The following FTCDNL1 variants were observed in gnomAD, a reference collection of about 807,000 sequenced individuals.
FTCDNL1 encodes the protein formiminotransferase N-terminal subdomain-containing protein.
In FTCDNL1, 11 loss-of-function variants were observed where a neutral mutation model predicts 5.9. That is an observed-to-expected ratio of 1.87 (90% CI 1.18 to 3.10). The LOEUF is 3.10. Among genes scored for constraint, FTCDNL1 ranks in the 30% most tolerant of loss-of-function variants. The pLI, the probability that FTCDNL1 is intolerant of heterozygous loss-of-function variation, is 0.00. For synonymous variants in FTCDNL1, 58 were observed against 24.8 expected (o/e 2.34, Z -3.99); for missense variants, 115 against 65.5 (o/e 1.76, Z -2.61).
chr2:199,835,840 T>A (rs1014371639), intron 3 of FTCDNL1, among the ~76,000 whole-genome samples: 1 of 152,174 alleles, frequency 6.6e-6, no homozygotes, highest in African/African-American at 2.4e-5. Context: ...GTTGTAGATA[T>A]CTACTGAAAA....
the FTCDNL1 span, among the ~76,000 whole-genome samples, chr2:199,703,212 C>G: frequency 6.6e-6 from 1 of 151,886 alleles, no homozygotes; most frequent in Non-Finnish European, 1.5e-5. Context: ...CCCCTGCCCC[C>G]ACCCCACAAC....
intron 3 of FTCDNL1, among the ~76,000 whole-genome samples, chr2:199,831,623 C>A (rs1702376060): frequency 6.6e-6 from 1 of 152,128 alleles, no homozygotes; most frequent in South Asian, 2.1e-4. Context: ...TTGGTTTATA[C>A]ATGTATGTAA....
intron 3 of FTCDNL1, among the ~76,000 whole-genome samples, chr2:199,829,227 G>A (rs371154884): frequency 1.0e-3 from 155 of 152,024 alleles, no homozygotes; most frequent in Non-Finnish European, 1.4e-3. Context: ...TTTTCCCACC[G>A]CTATGGTCAG....
intron 3 of FTCDNL1, among the ~76,000 whole-genome samples, chr2:199,780,683 TTC>T (rs1699320591): frequency 6.6e-6 from 1 of 152,084 alleles, no homozygotes; most frequent in Non-Finnish European, 1.5e-5. Context: ...ATTTTTGGGG[TTC>T]TGAGCCCTAG....
chr2:199,769,690 TCAGA>T (rs1698715274), intron 3 of FTCDNL1, among the ~76,000 whole-genome samples: 1 of 152,168 alleles, frequency 6.6e-6, no homozygotes, highest in South Asian at 2.1e-4. Context: ...TCTCCTCCCT[TCAGA>T]CAGTCAGGTC....
intron 4 of FTCDNL1, among the ~76,000 whole-genome samples, chr2:199,815,304 C>T (rs780623989): frequency 6.6e-6 from 1 of 152,166 alleles, no homozygotes; most frequent in African/African-American, 2.4e-5. Context: ...TTCTTTTTCT[C>T]TTCTGTTTAT....
At chr2:199,730,685 A>G in the FTCDNL1 span, among the ~76,000 whole-genome samples, 1 of 152,362 alleles carries the variant, frequency 6.6e-6, no homozygotes, top group Admixed American at 6.5e-5. Flanking sequence ...TTAAAAAGTC[A>G]GGAAACAACA....
the FTCDNL1 span, among the ~76,000 whole-genome samples, chr2:199,718,327 C>T: frequency 6.6e-6 from 1 of 152,242 alleles, no homozygotes. Context: ...AGTTATTTCA[C>T]TTAGAATAGT....
chr2:199,698,263 C>G, the FTCDNL1 span, among the ~76,000 whole-genome samples: 1 of 152,158 alleles, frequency 6.6e-6, no homozygotes, highest in Non-Finnish European at 1.5e-5. Context: ...AGGACCTAAA[C>G]TTGACACTTG....
the FTCDNL1 span, among the ~76,000 whole-genome samples, chr2:199,721,615 A>G: frequency 7.9e-5 from 12 of 152,352 alleles, 1 homozygote; most frequent in Non-Finnish European, 1.3e-4. Context: ...TAATAGAATG[A>G]TTTATATTCC....
chr2:199,700,490 G>A, the FTCDNL1 span, among the ~76,000 whole-genome samples: 12 of 152,112 alleles, frequency 7.9e-5, no homozygotes, highest in Non-Finnish European at 4.4e-5. Flanking sequence ...GCAATTTACA[G>A]ATTCAATGCT....
chr2:199,815,906 A>G (rs1701323362), intron 4 of FTCDNL1, among the ~76,000 whole-genome samples: 1 of 152,050 alleles, frequency 6.6e-6, no homozygotes, highest in Admixed American at 6.5e-5. Context: ...AGGCTGAGGC[A>G]GGGGAATCGC....
the FTCDNL1 span, among the ~76,000 whole-genome samples, chr2:199,741,250 C>T: frequency 7.9e-5 from 12 of 151,976 alleles, no homozygotes; most frequent in African/African-American, 2.4e-4. Flanking sequence ...CACGCTAGCC[C>T]GGGCGATAGA....
chr2:199,828,877 C>T (rs1702191969), intron 3 of FTCDNL1, among the ~76,000 whole-genome samples: 1 of 152,218 alleles, frequency 6.6e-6, no homozygotes, highest in Non-Finnish European at 1.5e-5. Flanking sequence ...TAAGGAGTCA[C>T]TCTGCTAACA....
At chr2:199,834,147 T>C (rs928856193) in intron 3 of FTCDNL1, among the ~76,000 whole-genome samples, 3 of 151,850 alleles carry the variant, frequency 2.0e-5, no homozygotes, top group African/African-American at 7.3e-5. Flanking sequence ...GGGGTCCTCA[T>C]AAAAAGGGGA....
chr2:199,684,088 C>T, the FTCDNL1 span, among the ~76,000 whole-genome samples: 1 of 152,224 alleles, frequency 6.6e-6, no homozygotes, highest in Non-Finnish European at 1.5e-5. Flanking sequence ...GTTGTTACCA[C>T]TTGCCAAAGA....
At chr2:199,681,300 A>C in the FTCDNL1 span, among the ~76,000 whole-genome samples, 1 of 151,802 alleles carries the variant, frequency 6.6e-6, no homozygotes, top group East Asian at 1.9e-4. Flanking sequence ...CTAATAATAC[A>C]AAAAAATTAC....
chr2:199,842,898 G>A (rs941642178), intron 3 of FTCDNL1, among the ~76,000 whole-genome samples: 2 of 144,650 alleles, frequency 1.4e-5, no homozygotes, highest in Admixed American at 7.1e-5. Context: ...CCTAGAATGC[G>A]AATACTTCTG....
downstream of FTCDNL1, among the ~76,000 whole-genome samples, chr2:199,759,533 G>T (rs1268330186): frequency 6.6e-6 from 1 of 152,020 alleles, no homozygotes; most frequent in Non-Finnish European, 1.5e-5. Flanking sequence ...ATCATACTAT[G>T]ATTCTTCCAA....
Sources: allele counts gnomAD v4.1 joint callset (sites outside exome capture counted in the v4.1 genomes callset), GRCh38; gene constraint gnomAD v4.1.1; transcripts MANE v1.5; gene names NCBI Gene and HGNC (gene_info 2026-07-23, HGNC 2026-07-21).